AFP: variants seen among roughly 807,000 people sequenced by gnomAD.
AFP encodes alpha fetoprotein.
A neutral mutation model predicts 78.9 loss-of-function variants in AFP; 64 were observed. The observed-to-expected ratio is 0.81, with a 90% CI of 0.66 to 1.00. The LOEUF (loss-of-function observed/expected upper bound fraction) is 1.00, where lower values mean the gene tolerates loss of function less well. Ranked by LOEUF, AFP falls within the 50% of genes least tolerant of loss-of-function variation. The pLI is 0.00. For synonymous variants in AFP, 254 were observed against 243.8 expected (o/e 1.04, Z -0.39); for missense variants, 689 against 703.8 (o/e 0.98, Z 0.24).
At chr4:73,455,560 A>T in intron 14 of AFP, 71 bp from the exon 15 acceptor site, 1 of 661,482 alleles carries the variant, frequency 1.5e-6, no homozygotes, top group Non-Finnish European at 2.7e-6. Flanking sequence ...CTGATATAAA[A>T]TAATAGAACC....
intron 8 of AFP, among the ~76,000 whole-genome samples, chr4:73,447,978 C>G (rs528302705): frequency 2.6e-5 from 4 of 152,136 alleles, no homozygotes; most frequent in African/African-American, 9.6e-5. Context: ...GTAAAGATTA[C>G]TCATATCAAG....
intron 6 of AFP, 42 bp downstream of exon 6, chr4:73,443,486 G>T (rs1719733375): frequency 6.7e-7 from 1 of 1,486,218 alleles, no homozygotes; most frequent in African/African-American, 1.4e-5. Context: ...GAGAGCTACA[G>T]AACTACCATT....
At chr4:73,444,105 G>A (rs1719752948) in intron 6 of AFP, among the ~76,000 whole-genome samples, 1 of 152,044 alleles carries the variant, frequency 6.6e-6, no homozygotes, top group South Asian at 2.1e-4. Context: ...ACACGTTAAA[G>A]CATATTGTAG....
rs374723455 is a variant in AFP at position 73,440,759 on chromosome 4, A to C, written c.428A>C (p.Glu143Ala). The change falls in exon 4 of 15, where the codon GAA becomes GCA. Residue 143 changes from glutamate (E) to alanine (A), a missense_variant. Coordinates refer to ENST00000395792, the MANE Select transcript of AFP (RefSeq NM_001134.3). The stretch of plus-strand genomic sequence containing the variant: ...TCGATCCCACTTTTCCAAGTTCCAG[A>C]ACCTGTCACAAGCTGTGAAGCATAT... ...PASIPLFQVP[E>A]PVTSCEAYEE... The C allele has an allele frequency of 1.2e-5, 20 of 1,614,078 alleles. No individual in the cohort carries two copies. In the African/African-American group the frequency reaches 2.0e-4, roughly 16 times the overall value.
At chr4:73,449,985 T>C (rs1338801788) in intron 9 of AFP, 51 bp from the exon 10 acceptor site, 12 of 1,195,234 alleles carry the variant, frequency 1.0e-5, no homozygotes, top group Middle Eastern at 3.8e-4. Flanking sequence ...ATATACAAAG[T>C]TATGCATCCA....
chr4:73,443,237 T>TTTATGGA, intron 5 of AFP, 110 bp from the exon 6 acceptor site: 1 of 817,030 alleles, frequency 1.2e-6, no homozygotes, highest in South Asian at 1.6e-5. Context: ...GTAAAAAACA[T>TTTATGGA]ATTTTATGGA....
intron 3 of AFP, among the ~76,000 whole-genome samples, chr4:73,438,918 A>C (rs1054947656): frequency 2.0e-5 from 3 of 152,154 alleles, no homozygotes; most frequent in African/African-American, 7.2e-5. Context: ...TGAGGCTCAG[A>C]GAATTTAAGT....
At chr4:73,449,206 T>G in intron 8 of AFP, 129 bp from the exon 9 acceptor site, 1 of 832,840 alleles carries the variant, frequency 1.2e-6, no homozygotes, top group Non-Finnish European at 1.9e-6. Context: ...AAATCATATT[T>G]GATTTTCAGG....
In AFP at chr4:73,443,596, T is replaced by C. The variant is rs1196239276; in HGVS notation, c.713+152T>C. 21 of 656,184 alleles carry C rather than the reference T, an allele frequency of 3.2e-5. No individual in the cohort carries two copies. The East Asian group carries it at 5.4e-4, about 17-fold the overall frequency. 40.6% of individuals were successfully genotyped at this position (656,184 alleles called of 1,614,324 possible). A position where few individuals can be genotyped will look rare whatever the true frequency, so the allele number is the denominator to read the frequency against. On this transcript the variant is annotated intron_variant, in intron 6 of 14. Coordinates refer to ENST00000395792, the MANE Select transcript of AFP (RefSeq NM_001134.3). The stretch of plus-strand genomic sequence containing the variant: ...GGCTAATGGGATTAGAACCATGAAC[T>C]CTTAGGATCAGAAGGAAGCTAACGG...
intron 7 of AFP, among the ~76,000 whole-genome samples, chr4:73,446,457 T>C (rs924110567): frequency 6.6e-6 from 1 of 152,216 alleles, no homozygotes; most frequent in Non-Finnish European, 1.5e-5. Flanking sequence ...TTGCTGAGAA[T>C]GTACAGAATT....
Position 73,442,374 on chromosome 4 carries a change from A to G in AFP, c.561A>G (p.Lys187=). ...TILLWAARYD[K]IIPSCCKAEN... ...TTCTTTGGGCTGCTCGCTATGACAA[A>G]ATAATTCCATCTTGCTGCAAAGCTG... Residue 187 remains lysine (K), a synonymous_variant, in exon 5 of 15, where the codon AAA becomes AAG. Transcript: ENST00000395792. 1 of 1,614,100 alleles carries G rather than the reference A, an allele frequency of 6.2e-7. No homozygotes were observed. Among genetic ancestry groups the G allele is most frequent in the South Asian group, 1.1e-5 (1 of 91,078 alleles).
intron 1 of AFP, among the ~76,000 whole-genome samples, chr4:73,436,892 A>G (rs950188706): frequency 6.6e-6 from 1 of 151,946 alleles, no homozygotes; most frequent in Admixed American, 6.6e-5. Flanking sequence ...TTACAGCACT[A>G]CAGTACAGGG....
intron 8 of AFP, 85 bp from the exon 9 acceptor site, chr4:73,449,250 A>G: frequency 8.1e-7 from 1 of 1,238,968 alleles, no homozygotes; most frequent in South Asian, 1.3e-5. Flanking sequence ...CACATGCCAT[A>G]TTATATAGGA....
intron 10 of AFP, 101 bp from the exon 11 acceptor site, chr4:73,450,514 A>T: frequency 6.4e-7 from 1 of 1,558,128 alleles, no homozygotes; most frequent in South Asian, 1.1e-5. Context: ...AGCTGACCTC[A>T]TGTCTTCTGG....
Position 73,447,410 on chromosome 4 carries a change from CT to C in AFP, c.844-49del. 7 of 1,379,940 alleles carry C rather than the reference CT, an allele frequency of 5.1e-6. No homozygotes were observed. The South Asian group carries it at 9.5e-5, about 19-fold the overall frequency. 85.5% of individuals were successfully genotyped at this position (1,379,940 alleles called of 1,614,324 possible). Reference sequence around the variant, plus strand: ...TTTTTCTAAAGCTGGCTTTGAGATCCTTTATTAAAGAATAAATCTTTAAAAC... The same window carrying C: ...TTTTTCTAAAGCTGGCTTTGAGATCCTTATTAAAGAATAAATCTTTAAAAC... On this transcript the variant is annotated intron_variant, in intron 7 of 14. Transcript: ENST00000395792.
At position 73,443,447 on chromosome 4, in the gene AFP, A is replaced by G. The variant is rs762696486; in HGVS notation, c.713+3A>G. The G allele has an allele frequency of 6.3e-7, 1 of 1,595,830 alleles. No homozygotes were observed. Among genetic ancestry groups the G allele is most frequent in the South Asian group, 1.1e-5 (1 of 90,696 alleles). ...GGGACCCGAACTTTCCAAGCCATGT[A>G]AGTTCAAGTTCTATCTAGGGAAGAG... On this transcript the variant is annotated splice_donor_region_variant and intron_variant, in intron 6 of 14. Coordinates refer to ENST00000395792, the MANE Select transcript of AFP (RefSeq NM_001134.3).
At chr4:73,451,012 G>A (rs737241) in intron 11 of AFP, among the ~76,000 whole-genome samples, 63,725 of 151,974 alleles carry the variant, frequency 0.42, 13,651 homozygotes, top group Admixed American at 0.51. Flanking sequence ...TTTATATATC[G>A]GAAAGACAGA....
intron 14 of AFP, 86 bp from the exon 15 acceptor site, chr4:73,455,545 T>C (rs1451769471): frequency 7.6e-6 from 5 of 655,824 alleles, no homozygotes; most frequent in Non-Finnish European, 1.1e-5. Flanking sequence ...GTATCCAATA[T>C]TTCTCTGATA....
chr4:73,450,167 A>G (rs778282801), intron 10 of AFP, 34 bp downstream of exon 10: 95 of 1,488,736 alleles, frequency 6.4e-5, no homozygotes, highest in Non-Finnish European at 8.4e-5. Context: ...TTAGTGAATT[A>G]AAATTATTAA....
Sources: gnomAD v4.1 joint callset for allele counts (sites outside exome capture counted in the v4.1 genomes callset) on GRCh38, gnomAD v4.1.1 for gene constraint, MANE v1.5 for transcripts, NCBI Gene and HGNC (gene_info 2026-07-23, HGNC 2026-07-21) for gene names.